KSR2: variants seen among roughly 807,000 people sequenced by gnomAD.
KSR2 encodes the protein kinase suppressor of ras 2.
Under a neutral mutation model 107.8 loss-of-function variants are expected in KSR2, and 25 were observed. That is an observed-to-expected ratio of 0.23 (90% confidence interval 0.17 to 0.32). The LOEUF (loss-of-function observed/expected upper bound fraction) is 0.32. Ranked by LOEUF, KSR2 falls within the 10% of genes least tolerant of loss-of-function variation. The pLI, the probability that KSR2 is intolerant of heterozygous loss-of-function variation, is 1.00. For missense variants in KSR2, 887 were observed against 1,268.9 expected, an observed-to-expected ratio of 0.70 and a Z score of 4.57; for synonymous variants, 480 against 507.0, an observed-to-expected ratio of 0.95 and a Z score of 0.71.
chr12:117,559,742 CT>C (rs1372539011), intron 7 of KSR2, among the ~76,000 whole-genome samples: 2 of 152,186 alleles, frequency 1.3e-5, no homozygotes, highest in African/African-American at 4.8e-5. Context: ...AGTTGCCTGA[CT>C]TCACAAAGAT....
chr12:117,937,386 T>G (rs1423268822), intron 1 of KSR2, among the ~76,000 whole-genome samples: 1 of 152,168 alleles, frequency 6.6e-6, no homozygotes, highest in Non-Finnish European at 1.5e-5. Context: ...TCTCAAGATC[T>G]TGCCCATCTA....
At chr12:117,640,641 G>A (rs967030866) in intron 5 of KSR2, among the ~76,000 whole-genome samples, 17 of 152,188 alleles carry the variant, frequency 1.1e-4, no homozygotes, top group Non-Finnish European at 5.9e-5. Flanking sequence ...TGCACTTGAG[G>A]TTGGGCAGCA....
rs1039897024 is a variant in KSR2, at chr12:117,453,484, C to T, written c.*13715G>A. The stretch of plus-strand genomic sequence containing the variant: ...ACATGGAGAAAAGAATATGGACCAT[C>T]GGTCCGCGTTGGTCTGTACAAGAAT... On this transcript the variant is annotated 3_prime_UTR_variant, in exon 20 of 20. Coordinates refer to ENST00000339824, the MANE Select transcript of KSR2 (RefSeq NM_173598.6). 2.0e-5 allele frequency: 3 copies of T among 152,442 alleles called. No individual in the cohort carries two copies. Among genetic ancestry groups the T allele is most frequent in the African/African-American group, 4.8e-5 (2 of 41,402 alleles). The allele number at this position is 152,442 out of a possible 1,614,324, so 9.4% of individuals were successfully genotyped here. A position where few individuals can be genotyped will look rare whatever the true frequency, so the allele number is the denominator to read the frequency against.
At chr12:117,583,744 G>A (rs934661441) in intron 5 of KSR2, among the ~76,000 whole-genome samples, 2 of 152,152 alleles carry the variant, frequency 1.3e-5, no homozygotes, top group South Asian at 2.1e-4. Context: ...GCCCCAGAGA[G>A]CTGTGAAACA....
chr12:117,709,974 C>T lies in KSR2; in HGVS notation c.987-42316G>A, dbSNP rs141095572. ...CTTGATTGTAAAAAGTCTTGATCTA[C>T]ACTGGTTCTCATCCTAACAAAGAGG... is the stretch of plus-strand genomic sequence containing the variant. On this transcript the variant is annotated intron_variant, in intron 4 of 19. Coordinates refer to ENST00000339824, the MANE Select transcript of KSR2 (RefSeq NM_173598.6). Among the ~76,000 whole-genome samples, 15 of 152,340 alleles carry T rather than the reference C, an allele frequency of 9.8e-5. No individual in the cohort carries two copies. The East Asian group carries it at 2.9e-3, about 29-fold the overall frequency.
rs985683339 is a variant in KSR2, at chr12:117,894,970, C to A, written c.181-34539G>T. 2.6e-5 allele frequency among the ~76,000 whole-genome samples: 4 copies of A among 151,942 alleles called. No homozygotes were observed. The East Asian group carries it at 7.8e-4, about 30-fold the overall frequency. ...TATCCCGGGCTTCGTGGAGCTATGC[C>A]TGAAGTCCTAGCTACTCGGGAGACT... On this transcript the variant is annotated intron_variant, in intron 1 of 19. Coordinates refer to ENST00000339824, the MANE Select transcript of KSR2 (RefSeq NM_173598.6).
At chr12:117,560,463 C>A (rs1371002576) in intron 7 of KSR2, among the ~76,000 whole-genome samples, 1 of 151,996 alleles carries the variant, frequency 6.6e-6, no homozygotes, top group African/African-American at 2.4e-5. Context: ...TGCTGAATCA[C>A]AGGGTGAGAC....
At chr12:117,694,211 T>C (rs1162166310) in intron 4 of KSR2, among the ~76,000 whole-genome samples, 1 of 152,210 alleles carries the variant, frequency 6.6e-6, no homozygotes, top group Non-Finnish European at 1.5e-5. Context: ...AAATCTCACC[T>C]TGAACTGTAA....
intron 3 of KSR2, among the ~76,000 whole-genome samples, chr12:117,812,062 A>T (rs1191610331): frequency 2.6e-5 from 4 of 152,022 alleles, no homozygotes; most frequent in Non-Finnish European, 5.9e-5. Context: ...GGAAAAAAAT[A>T]AGGTCCCAAT....
At chr12:117,652,545 A>T (rs563629873) in intron 5 of KSR2, among the ~76,000 whole-genome samples, 8 of 152,294 alleles carry the variant, frequency 5.3e-5, no homozygotes, top group African/African-American at 1.9e-4. Context: ...AGTTTACAGA[A>T]CCAGAACCCT....
At chr12:117,891,601 G>T (rs1208526688) in intron 1 of KSR2, among the ~76,000 whole-genome samples, 2 of 151,982 alleles carry the variant, frequency 1.3e-5, no homozygotes, top group East Asian at 1.9e-4. Context: ...TTTAAAAAAT[G>T]AAATGTTTTA....
chr12:117,782,414 C>A (rs1353274634), intron 3 of KSR2, among the ~76,000 whole-genome samples: 1 of 152,142 alleles, frequency 6.6e-6, no homozygotes, highest in Non-Finnish European at 1.5e-5. Flanking sequence ...TAGGCGTGCA[C>A]CACTACACTT....
At chr12:117,882,644 T>A (rs1894060318) in intron 1 of KSR2, among the ~76,000 whole-genome samples, 1 of 150,382 alleles carries the variant, frequency 6.6e-6, no homozygotes, top group Admixed American at 6.6e-5. Context: ...CATCCAACAA[T>A]CCATCTATCC....
intron 16 of KSR2, among the ~76,000 whole-genome samples, chr12:117,478,651 A>G (rs193043115): frequency 6.6e-6 from 1 of 152,038 alleles, no homozygotes; most frequent in African/African-American, 2.4e-5. Context: ...TGATCTTGCT[A>G]TGTTGCCCAG....
intron 4 of KSR2, among the ~76,000 whole-genome samples, chr12:117,734,731 C>CGCAT (rs377645424): frequency 4.7e-5 from 7 of 150,256 alleles, no homozygotes; most frequent in Admixed American, 2.7e-4. Context: ...GATGGATGGA[C>CGCAT]GCATGCATGC....
In KSR2 at chr12:117,460,503, G is replaced by A. The variant is rs562655279; in HGVS notation, c.*6696C>T. On this transcript the variant is annotated 3_prime_UTR_variant, in exon 20 of 20. Coordinates refer to ENST00000339824, the MANE Select transcript of KSR2 (RefSeq NM_173598.6). ...CCAGATGTACATTTCCTGGAAATCC[G>A]GGCTGCTGCTGGCAGCCTGTCAGTT... 4 of 152,298 alleles carry A rather than the reference G, an allele frequency of 2.6e-5. No individual in the cohort carries two copies. The highest frequency in any genetic ancestry group is 2.1e-4 in the South Asian group (1 of 4,824). 9.4% of individuals were successfully genotyped at this position (152,298 alleles called of 1,614,324 possible). A position where few individuals can be genotyped will look rare whatever the true frequency, so the allele number is the denominator to read the frequency against.
chr12:117,582,147 C>A (rs1430385376), intron 6 of KSR2, 143 bp downstream of exon 6: 2 of 635,400 alleles, frequency 3.1e-6, no homozygotes, highest in African/African-American at 1.8e-5. Flanking sequence ...TAAAGTTTAG[C>A]CGAGCAGAGG....
chr12:117,731,320 C>CCG (rs1565984074), intron 4 of KSR2, among the ~76,000 whole-genome samples: 2 of 149,920 alleles, frequency 1.3e-5, no homozygotes, highest in African/African-American at 5.0e-5. Flanking sequence ...AGCAGCCGCC[C>CCG]CGTCTGAGAA....
At chr12:117,558,691 A>C in intron 7 of KSR2, 118 bp from the exon 8 acceptor site, 1 of 712,532 alleles carries the variant, frequency 1.4e-6, no homozygotes, top group Non-Finnish European at 2.6e-6. Flanking sequence ...GGGTGAATGG[A>C]TGGGTAGATG....
Sources: gnomAD v4.1 joint callset for allele counts (sites outside exome capture counted in the v4.1 genomes callset) on GRCh38, gnomAD v4.1.1 for gene constraint, MANE v1.5 for transcripts, NCBI Gene and HGNC (gene_info 2026-07-23, HGNC 2026-07-21) for gene names.